The following DBNDD1 variants were observed in gnomAD, a reference collection of about 807,000 sequenced individuals.
DBNDD1 encodes dysbindin domain containing 1.
Under a neutral mutation model 17.0 loss-of-function variants are expected in DBNDD1, and 14 were observed. The observed-to-expected ratio is 0.82, with a 90% CI of 0.54 to 1.29. The LOEUF (loss-of-function observed/expected upper bound fraction) is 1.29. DBNDD1 is among the 50% of genes most tolerant of loss of function. The probability of loss-of-function intolerance (pLI) is 0.00; values close to 1 mark genes in which losing one functional copy is unlikely to be tolerated. For missense variants in DBNDD1, 221 were observed against 216.2 expected, an observed-to-expected ratio of 1.02 and a Z score of -0.14; for synonymous variants, 105 against 102.0, an observed-to-expected ratio of 1.03 and a Z score of -0.18.
chr16:90,011,433 G>C (rs1363842740), intron 1 of DBNDD1, among the ~76,000 whole-genome samples: 1 of 152,262 alleles, frequency 6.6e-6, no homozygotes, highest in Non-Finnish European at 1.5e-5. Context: ...GGGCTGGGAG[G>C]TCCCCAGTGG....
chr16:90,009,712 C>T (rs934975337), intron 1 of DBNDD1: 56 of 625,866 alleles, frequency 8.9e-5, no homozygotes, highest in East Asian at 5.9e-4. Flanking sequence ...CCATGAAAGC[C>T]GACCATGCAG....
chr16:90,006,205 G>T lies in DBNDD1; in HGVS notation c.*130C>A. 2 of 1,280,122 alleles carry T rather than the reference G, an allele frequency of 1.6e-6. No homozygotes were observed. The highest frequency in any genetic ancestry group is 1.1e-6 in the Non-Finnish European group (1 of 944,280). The allele number at this position is 1,280,122 out of a possible 1,614,324, so 79.3% of individuals were successfully genotyped here. A position where few individuals can be genotyped will look rare whatever the true frequency, so the allele number is the denominator to read the frequency against. ...CGGGGCTGGCAGAGAGCTGCCCCCA[G>T]GGTGTGTGTCAGGAGGTGACGGCTG... is the stretch of plus-strand genomic sequence containing the variant. On this transcript the variant is annotated 3_prime_UTR_variant, in exon 4 of 4. Coordinates refer to ENST00000002501, the MANE Select transcript of DBNDD1 (RefSeq NM_001042610.3).
intron 1 of DBNDD1, among the ~76,000 whole-genome samples, chr16:90,013,648 GGTGGCGTCTCCCCTT>G (rs2035592698): frequency 6.6e-6 from 1 of 152,320 alleles, no homozygotes; most frequent in East Asian, 1.9e-4. Context: ...GTGGGACAGA[GGTGGCGTCTCCCCTT>G]GTAGTCCCCC....
chr16:90,011,795 G>A (rs2035560653), intron 1 of DBNDD1: 2 of 391,928 alleles, frequency 5.1e-6, no homozygotes, highest in Non-Finnish European at 1.0e-5. Flanking sequence ...GAGGGCACAG[G>A]GGACAGGGGG....
chr16:90,006,671 A>T, intron 3 of DBNDD1, 179 bp from the exon 4 acceptor site: 1 of 790,500 alleles, frequency 1.3e-6, no homozygotes, highest in Admixed American at 2.9e-5. Context: ...TGGCCCCACC[A>T]GAGAGGTGGA....
intron 1 of DBNDD1, chr16:90,011,611 TCATGG>T (rs1401635151): frequency 4.2e-5 from 19 of 453,760 alleles, no homozygotes; most frequent in African/African-American, 3.8e-4. Context: ...GAGTGCTGTG[TCATGG>T]CATGGCCCGT....
At position 90,009,424 on chromosome 16, in the gene DBNDD1, A is replaced by G; in HGVS notation, c.38T>C (p.Val13Ala). 1 of 1,611,050 alleles carries G rather than the reference A, an allele frequency of 6.2e-7. No homozygotes were observed. Among genetic ancestry groups the G allele is most frequent in the Non-Finnish European group, 8.5e-7 (1 of 1,179,942 alleles). ...PPEGAGTGEI[V>A]KEAEVPQAAL... ...AGCCTGCGGCACCTCAGCCTCCTTA[A>G]CGATCTCTGCATCCAAAGACACAGT... The change falls in exon 2 of 4, where the codon GTT (valine) becomes GCT (alanine). Residue 13 changes from valine to alanine, a missense_variant. Val to Ala is a moderately conservative substitution (Grantham distance 64). Transcript: ENST00000002501.
chr16:90,010,282 C>T lies in DBNDD1; in HGVS notation c.32-852G>A, dbSNP rs1056228585. The T allele has an allele frequency of 1.3e-4, 49 of 388,756 alleles. 2 individuals carry two copies. The highest frequency in any genetic ancestry group is 9.1e-4 in the South Asian group (26 of 28,704). The allele number at this position is 388,756 out of a possible 1,614,324, so 24.1% of individuals were successfully genotyped here. On this transcript the variant is annotated intron_variant, in intron 1 of 3. Transcript: ENST00000002501. The stretch of plus-strand genomic sequence containing the variant: ...GCTGAACTCCTGACCTCAGGTGATC[C>T]GCCCGCCTCAGCCTCCCAAAGTGCT...
chr16:90,005,931 T>G lies in DBNDD1; in HGVS notation c.*404A>C, dbSNP rs570311675. 34 of 179,570 alleles carry G rather than the reference T, an allele frequency of 1.9e-4. No homozygotes were observed. The East Asian group carries it at 3.7e-3, about 20-fold the overall frequency. The allele number at this position is 179,570 out of a possible 1,614,324, so 11.1% of individuals were successfully genotyped here. ...CACCCCCAGGAGTTCCTGGAGTGGC[T>G]GTCACAGGCCTGGGTCCCCTTCACC... On this transcript the variant is annotated 3_prime_UTR_variant, in exon 4 of 4. Transcript: ENST00000002501.
At chr16:90,016,109 G>A (rs544705749) in intron 1 of DBNDD1, among the ~76,000 whole-genome samples, 16 of 152,280 alleles carry the variant, frequency 1.1e-4, no homozygotes, top group South Asian at 2.1e-4. Context: ...ACTGTGAGTC[G>A]GCCACACGCC....
chr16:90,013,281 A>AAAAAAAAAAAAAAAAAAAAAAC (rs2035588279), intron 1 of DBNDD1, among the ~76,000 whole-genome samples: 1 of 149,936 alleles, frequency 6.7e-6, no homozygotes, highest in Non-Finnish European at 1.5e-5. Context: ...AAAAAAAAAA[A>AAAAAAAAAAAAAAAAAAAAAAC]AAGACAGTGG....
intron 1 of DBNDD1, chr16:90,011,548 C>T (rs1015855011): frequency 2.0e-5 from 8 of 409,560 alleles, no homozygotes; most frequent in African/African-American, 1.2e-4. Context: ...CCCCTCGCCC[C>T]GTCGGCCGTG....
chr16:90,019,807 C>G (rs1291472263), upstream of DBNDD1: 1 of 688,844 alleles, frequency 1.5e-6, no homozygotes, highest in Non-Finnish European at 2.6e-6. This position sits in a 1 kb window ranked among gnomAD's most constrained non-coding sequence, Gnocchi z 6.1. Context: ...GCGGGCGCCC[C>G]TCGGGGCTGG....
At chr16:90,018,296 C>T (rs1597586662) in intron 1 of DBNDD1, among the ~76,000 whole-genome samples, 1 of 152,372 alleles carries the variant, frequency 6.6e-6, no homozygotes. Flanking sequence ...AACCCAAACC[C>T]ACCAGCCCTG....
At chr16:90,015,687 G>A (rs1013228248) in intron 1 of DBNDD1, among the ~76,000 whole-genome samples, 1 of 152,116 alleles carries the variant, frequency 6.6e-6, no homozygotes, top group Non-Finnish European at 1.5e-5. Flanking sequence ...GAAGGACGGC[G>A]GTACTGACAC....
chr16:90,019,742 C>T (rs753621306), upstream of DBNDD1: 47 of 659,868 alleles, frequency 7.1e-5, no homozygotes, highest in Non-Finnish European at 2.7e-5. The surrounding 1 kb of genome is among the most constrained non-coding windows in gnomAD (Gnocchi z 6.1). Context: ...CGGCCGCGCC[C>T]GCTGGCGTCC....
rs534969948 is a variant in DBNDD1, at chr16:90,019,238, C to T, written c.31+73G>A. ...CTCCCGGGAGCGGCGAAGGGTGAGC[C>T]CTGGGGGGAGGGGCTGCGGCTCGCT... is the stretch of plus-strand genomic sequence containing the variant. On this transcript the variant is annotated intron_variant, in intron 1 of 3. Coordinates refer to ENST00000002501, the MANE Select transcript of DBNDD1 (RefSeq NM_001042610.3). This position sits in a 1 kb window ranked among gnomAD's most constrained non-coding sequence, Gnocchi z 6.1. 0.011 allele frequency: 9,031 copies of T among 789,624 alleles called. 63 individuals carry two copies. Among genetic ancestry groups the T allele is most frequent in the Non-Finnish European group, 0.014 (8,497 of 588,918 alleles). 48.9% of individuals were successfully genotyped at this position (789,624 alleles called of 1,614,324 possible). A position where few individuals can be genotyped will look rare whatever the true frequency, so the allele number is the denominator to read the frequency against.
rs949365540 is a variant in DBNDD1 at position 90,006,174 on chromosome 16, C to T, written c.*161G>A. ...AAGACCCGTGCCCAGCAGACAAGGC[C>T]GGTCTCGGGGCTGGCAGAGAGCTGC... On this transcript the variant is annotated 3_prime_UTR_variant, in exon 4 of 4. Coordinates refer to ENST00000002501, the MANE Select transcript of DBNDD1 (RefSeq NM_001042610.3). 3.0e-5 allele frequency: 31 copies of T among 1,040,344 alleles called. No homozygotes were observed. In the African/African-American group the frequency reaches 3.1e-4, roughly 10 times the overall value. The allele number at this position is 1,040,344 out of a possible 1,614,324, so 64.4% of individuals were successfully genotyped here.
Position 90,019,310 on chromosome 16 carries a change from C to T in DBNDD1, c.31+1G>A, listed in dbSNP as rs1172843941. The T allele has an allele frequency of 1.1e-5, 14 of 1,220,036 alleles. No individual in the cohort carries two copies. Among genetic ancestry groups the T allele is most frequent in the African/African-American group, 4.7e-5 (3 of 63,866 alleles). The allele number at this position is 1,220,036 out of a possible 1,614,324, so 75.6% of individuals were successfully genotyped here. A position where few individuals can be genotyped will look rare whatever the true frequency, so the allele number is the denominator to read the frequency against. On this transcript the variant is annotated splice_donor_variant, in intron 1 of 3. Coordinates refer to ENST00000002501, the MANE Select transcript of DBNDD1 (RefSeq NM_001042610.3). LOFTEE classifies it high-confidence loss of function. The surrounding 1 kb of genome is among the most constrained non-coding windows in gnomAD (Gnocchi z 6.1). Reference sequence around the variant, plus strand: ...GTCTCGGGGGCTGGGGCTGAACTCACCTCCGGTGCCGGCGCCCTCCGGGGG... The same window carrying T: ...GTCTCGGGGGCTGGGGCTGAACTCATCTCCGGTGCCGGCGCCCTCCGGGGG...
Sources: gnomAD v4.1 joint callset for allele counts (sites outside exome capture counted in the v4.1 genomes callset) on GRCh38, gnomAD v4.1.1 for gene constraint, Gnocchi (gnomAD v3.1) non-coding constraint, MANE v1.5 for transcripts, NCBI Gene and HGNC (gene_info 2026-07-23, HGNC 2026-07-21) for gene names.